The following CBFA2T2 variants were observed in gnomAD, a reference collection of about 807,000 sequenced individuals.
CBFA2T2 encodes CBFA2/RUNX1 partner transcriptional co-repressor 2.
CBFA2T2 carries 11 observed loss-of-function variants against 62.2 expected under a neutral mutation model. That is an observed-to-expected ratio of 0.18 (90% confidence interval 0.11 to 0.29). CBFA2T2 has a LOEUF of 0.29. CBFA2T2 is among the 10% of genes least tolerant of loss of function. CBFA2T2 has a pLI of 1.00. For synonymous variants in CBFA2T2, 295 were observed against 287.5 expected, an observed-to-expected ratio of 1.03 and a Z score of -0.27; for missense variants, 592 against 774.1, an observed-to-expected ratio of 0.76 and a Z score of 2.79.
Position 33,621,287 on chromosome 20 carries a change from C to CT in CBFA2T2, c.510+1707dup, listed in dbSNP as rs199805350. On this transcript the variant is annotated intron_variant, in intron 4 of 10. Transcript: ENST00000342704. ...TCTATAATACCTTTAATTTTACTGC[C>CT]TTTTTTTTTTTTTTTTTTTTTTTTT... Among the ~76,000 whole-genome samples the CT allele has an allele frequency of 9.9e-3, 848 of 85,256 alleles. 101 individuals carry two copies. Among genetic ancestry groups the CT allele is most frequent in the African/African-American group, 0.019 (370 of 19,278 alleles). The allele number at this position is 85,256 out of a possible 152,430, so 55.9% of individuals were successfully genotyped here.
chr20:33,504,315 G>T (rs1260285902), intron 1 of CBFA2T2, among the ~76,000 whole-genome samples: 1 of 151,680 alleles, frequency 6.6e-6, no homozygotes, highest in East Asian at 1.9e-4. Context: ...ATTCATATAC[G>T]GTTCTGCATG....
chr20:33,518,854 C>A (rs2146859824), intron 1 of CBFA2T2, among the ~76,000 whole-genome samples: 1 of 151,308 alleles, frequency 6.6e-6, no homozygotes, highest in South Asian at 2.1e-4. Context: ...CGGAGTCTGG[C>A]TCTGTTGCCC....
rs143167929 is a variant in CBFA2T2 at position 33,591,626 on chromosome 20, G to A, written c.35-15330G>A. Among the ~76,000 whole-genome samples, 54 of 152,214 alleles carry A rather than the reference G, an allele frequency of 3.5e-4. No individual in the cohort carries two copies. The East Asian group carries it at 9.8e-3, about 28-fold the overall frequency. On this transcript the variant is annotated intron_variant, in intron 1 of 10. Transcript: ENST00000342704. ...GTGGTTACCTTACTACTTGAAAGACGGGACTGGGCACATATACCATTTCAT... is the reference window on the plus strand; with the variant it reads ...GTGGTTACCTTACTACTTGAAAGACAGGACTGGGCACATATACCATTTCAT...
At chr20:33,585,653 T>A (rs2014330942) in intron 1 of CBFA2T2, among the ~76,000 whole-genome samples, 1 of 152,224 alleles carries the variant, frequency 6.6e-6, no homozygotes, top group Admixed American at 6.5e-5. Context: ...GCAGAGAAAT[T>A]ATTTTTTAAC....
In CBFA2T2 at chr20:33,628,265, T is replaced by G. The variant is rs955387158; in HGVS notation, c.947-85T>G. On this transcript the variant is annotated intron_variant, in intron 6 of 10. Transcript: ENST00000342704. ...CTTAGTAGTGTGATCAAAGTTATTA[T>G]GAATATGTGTGTATTTACTTGGTAG... 1.4e-5 allele frequency: 12 copies of G among 882,664 alleles called. No homozygotes were observed. In the African/African-American group the frequency reaches 1.8e-4, roughly 13 times the overall value. The allele number at this position is 882,664 out of a possible 1,614,324, so 54.7% of individuals were successfully genotyped here.
intron 1 of CBFA2T2, among the ~76,000 whole-genome samples, chr20:33,583,857 G>A (rs1412853098): frequency 6.6e-6 from 1 of 152,122 alleles, no homozygotes; most frequent in Non-Finnish European, 1.5e-5. Flanking sequence ...AACTTGCTGT[G>A]TATTTTTCCT....
chr20:33,577,950 G>T (rs1187991629), intron 1 of CBFA2T2, among the ~76,000 whole-genome samples: 2 of 152,160 alleles, frequency 1.3e-5, no homozygotes, highest in African/African-American at 4.8e-5. Flanking sequence ...TACTATTATA[G>T]TTATTTCCTG....
chr20:33,560,869 T>TTTTTGC (rs1480738435), intron 1 of CBFA2T2, among the ~76,000 whole-genome samples: 3 of 152,128 alleles, frequency 2.0e-5, no homozygotes, highest in Non-Finnish European at 4.4e-5. Flanking sequence ...TGGCCATCTT[T>TTTTTGC]TTTTGCTTTT....
intron 1 of CBFA2T2, chr20:33,574,018 G>A (rs2013701757): frequency 9.1e-7 from 1 of 1,098,614 alleles, no homozygotes; most frequent in African/African-American, 1.6e-5. Flanking sequence ...CAAACTCCTG[G>A]GCTAAAGCGA....
intron 3 of CBFA2T2, among the ~76,000 whole-genome samples, chr20:33,616,995 C>T (rs1317213629): frequency 6.6e-6 from 1 of 152,094 alleles, no homozygotes; most frequent in African/African-American, 2.4e-5. Flanking sequence ...TTGGAAGGCC[C>T]AGGCCGACTT....
At chr20:33,547,274 C>A (rs2012602026) in intron 1 of CBFA2T2, among the ~76,000 whole-genome samples, 3 of 152,138 alleles carry the variant, frequency 2.0e-5, no homozygotes, top group African/African-American at 7.2e-5. Context: ...TGCCTGTAAT[C>A]CCAGCTATAC....
At chr20:33,580,712 C>T (rs1294864631) in intron 1 of CBFA2T2, among the ~76,000 whole-genome samples, 2 of 152,080 alleles carry the variant, frequency 1.3e-5, no homozygotes, top group East Asian at 1.9e-4. Context: ...ATTAGCCAGG[C>T]GTGGTGGTAT....
intron 10 of CBFA2T2, among the ~76,000 whole-genome samples, chr20:33,642,115 TTTGTGTGTGTG>T (rs1306594112): frequency 5.5e-4 from 20 of 36,620 alleles, no homozygotes; most frequent in Middle Eastern, 0.014. Context: ...CTTTTTTTTT[TTTGTGTGTGTG>T]TGTGTGTGTG....
intron 10 of CBFA2T2, among the ~76,000 whole-genome samples, chr20:33,643,779 A>C (rs1601126852): frequency 1.2e-4 from 2 of 16,310 alleles, no homozygotes. Context: ...ATATATATAT[A>C]TATATATATA....
intron 9 of CBFA2T2, chr20:33,639,794 G>A (rs918445552): frequency 2.0e-5 from 3 of 152,994 alleles, no homozygotes; most frequent in Non-Finnish European, 4.4e-5. Flanking sequence ...AGAAGGCTGA[G>A]GTGGGAGGAT....
At chr20:33,636,185 G>A (rs1051856078) in intron 8 of CBFA2T2, among the ~76,000 whole-genome samples, 2 of 150,244 alleles carry the variant, frequency 1.3e-5, no homozygotes, top group African/African-American at 2.5e-5. Flanking sequence ...CTTGAACCCG[G>A]GAGGCAGAGG....
intron 10 of CBFA2T2, 49 bp downstream of exon 10, chr20:33,640,580 C>A: frequency 6.5e-7 from 1 of 1,548,032 alleles, no homozygotes; most frequent in Non-Finnish European, 8.9e-7. Flanking sequence ...GGAGTGACCA[C>A]GCCCGCTGCC....
intron 8 of CBFA2T2, among the ~76,000 whole-genome samples, chr20:33,634,556 G>A (rs1460280662): frequency 2.6e-5 from 4 of 151,354 alleles, no homozygotes; most frequent in South Asian, 2.1e-4. Context: ...CCTATAGTCC[G>A]GCTACTTGGG....
chr20:33,548,823 G>T (rs2012651490), intron 1 of CBFA2T2, among the ~76,000 whole-genome samples: 1 of 152,108 alleles, frequency 6.6e-6, no homozygotes, highest in South Asian at 2.1e-4. Flanking sequence ...AGACATGGTG[G>T]CATTCTTCTG....
Sources: gnomAD v4.1 joint callset for allele counts (sites outside exome capture counted in the v4.1 genomes callset) on GRCh38, gnomAD v4.1.1 for gene constraint, MANE v1.5 for transcripts, NCBI Gene and HGNC (gene_info 2026-07-23, HGNC 2026-07-21) for gene names.